GNA14: variants seen among roughly 807,000 people sequenced by gnomAD.
The protein encoded by GNA14 is guanine nucleotide-binding protein subunit alpha-14.
Under a neutral mutation model 42.0 loss-of-function variants are expected in GNA14, and 50 were observed. The observed-to-expected ratio is 1.19, with a 90% CI of 0.95 to 1.51. GNA14 has a LOEUF of 1.51. GNA14 is among the 40% of genes most tolerant of loss of function. The pLI, the probability that GNA14 is intolerant of heterozygous loss-of-function variation, is 0.00. For missense variants in GNA14, 473 were observed against 446.2 expected, an observed-to-expected ratio of 1.06 and a Z score of -0.54; for synonymous variants, 173 against 163.1, an observed-to-expected ratio of 1.06 and a Z score of -0.46.
intron 2 of GNA14, among the ~76,000 whole-genome samples, chr9:77,514,883 G>A (rs1837227042): frequency 1.3e-5 from 2 of 152,168 alleles, no homozygotes; most frequent in Non-Finnish European, 2.9e-5. Context: ...AAAGTGCTGG[G>A]ATTACAGGCA....
At chr9:77,465,413 T>C (rs1182436164) in intron 2 of GNA14, among the ~76,000 whole-genome samples, 1 of 152,244 alleles carries the variant, frequency 6.6e-6, no homozygotes, top group Admixed American at 6.5e-5. Context: ...TATCTCCTCC[T>C]TCGTTGAGGC....
intron 1 of GNA14, among the ~76,000 whole-genome samples, chr9:77,547,142 A>C (rs1406998130): frequency 6.6e-6 from 1 of 152,208 alleles, no homozygotes; most frequent in Non-Finnish European, 1.5e-5. Context: ...TGTTTCTTAC[A>C]TTGGGAGGAT....
intron 2 of GNA14, among the ~76,000 whole-genome samples, chr9:77,518,605 A>T (rs1381414932): frequency 2.6e-5 from 4 of 152,248 alleles, no homozygotes; most frequent in Admixed American, 6.5e-5. Flanking sequence ...CACTCAAAAT[A>T]CATGCAGAGT....
At chr9:77,458,616 G>A (rs1175807957) in intron 2 of GNA14, among the ~76,000 whole-genome samples, 1 of 152,142 alleles carries the variant, frequency 6.6e-6, no homozygotes. Context: ...GATGCCCCAC[G>A]TATTTGAAGA....
At position 77,611,647 on chromosome 9, in the gene GNA14, T is replaced by C. The variant is rs184592230; in HGVS notation, c.124+36023A>G. 7.5e-3 allele frequency among the ~76,000 whole-genome samples: 1,147 copies of C among 152,258 alleles called. 5 individuals carry two copies. The highest frequency in any genetic ancestry group is 0.024 in the South Asian group (118 of 4,826). ...ACAATAGCTTTAAATCTCCTCCCTT[T>C]GTATTGTCCCCTTTCCAGCCTTTTT... is the stretch of plus-strand genomic sequence containing the variant. On this transcript the variant is annotated intron_variant, in intron 1 of 6. Coordinates refer to ENST00000341700, the MANE Select transcript of GNA14 (RefSeq NM_004297.4).
chr9:77,540,522 T>C (rs1837646557), intron 1 of GNA14, among the ~76,000 whole-genome samples: 1 of 152,164 alleles, frequency 6.6e-6, no homozygotes, highest in Non-Finnish European at 1.5e-5. Flanking sequence ...CCAATGTTTC[T>C]TTGTTGATTT....
chr9:77,550,808 C>T (rs1365419838), intron 1 of GNA14, among the ~76,000 whole-genome samples: 1 of 152,192 alleles, frequency 6.6e-6, no homozygotes, highest in African/African-American at 2.4e-5. Flanking sequence ...ACAGGGGCAA[C>T]AAAATTATTC....
chr9:77,463,398 G>GA (rs146389215), intron 2 of GNA14, among the ~76,000 whole-genome samples: 4,427 of 152,224 alleles, frequency 0.029, 239 homozygotes, highest in African/African-American at 0.1. Context: ...CTTAAAAAAA[G>GA]AAAAAAACCA....
intron 2 of GNA14, among the ~76,000 whole-genome samples, chr9:77,461,737 T>C (rs1352041337): frequency 7.2e-6 from 1 of 139,604 alleles, no homozygotes; most frequent in African/African-American, 3.0e-5. Context: ...TCAGCATGCG[T>C]TTACTGTTAG....
At chr9:77,564,658 C>A (rs1182352770) in intron 1 of GNA14, among the ~76,000 whole-genome samples, 3 of 151,930 alleles carry the variant, frequency 2.0e-5, no homozygotes. Context: ...TATGACAAAA[C>A]CCTGTCTCTA....
At chr9:77,436,746 T>C (rs1054898739) in intron 2 of GNA14, among the ~76,000 whole-genome samples, 1 of 152,330 alleles carries the variant, frequency 6.6e-6, no homozygotes. Flanking sequence ...GCAGAACCAA[T>C]GTCTTATTTG....
At chr9:77,598,158 T>TTGGCAGTAAGTTATGGGGC (rs1283016991) in intron 1 of GNA14, among the ~76,000 whole-genome samples, 5 of 152,202 alleles carry the variant, frequency 3.3e-5, no homozygotes, top group Admixed American at 3.3e-4. Context: ...TTGTGCTAAT[T>TTGGCAGTAAGTTATGGGGC]TGGCAGTAAG....
chr9:77,452,612 T>A (rs375617468), intron 2 of GNA14, among the ~76,000 whole-genome samples: 4 of 276 alleles, frequency 0.014, no homozygotes, highest in Non-Finnish European at 0.021. Context: ...TATGTGTATG[T>A]GTGTGTATGT....
chr9:77,631,033 C>T (rs189468543), intron 1 of GNA14, among the ~76,000 whole-genome samples: 21 of 152,186 alleles, frequency 1.4e-4, no homozygotes, highest in Admixed American at 8.5e-4. Flanking sequence ...AGCAAAACAG[C>T]GTATATTATT....
chr9:77,458,403 C>G (rs1001961808), intron 2 of GNA14, among the ~76,000 whole-genome samples: 1 of 152,138 alleles, frequency 6.6e-6, no homozygotes, highest in African/African-American at 2.4e-5. Context: ...GCGCTGGCCA[C>G]GCGCGCCTGA....
chr9:77,429,659 G>A (rs1028832008), intron 4 of GNA14, among the ~76,000 whole-genome samples: 1 of 152,186 alleles, frequency 6.6e-6, no homozygotes, highest in African/African-American at 2.4e-5. Flanking sequence ...TTATGGGAAT[G>A]AGCCAAGTGG....
At chr9:77,444,573 G>A (rs946518780) in intron 2 of GNA14, among the ~76,000 whole-genome samples, 4 of 152,102 alleles carry the variant, frequency 2.6e-5, no homozygotes, top group South Asian at 2.1e-4. Flanking sequence ...TTGCATCCCC[G>A]TTTTCTCCTT....
intron 1 of GNA14, among the ~76,000 whole-genome samples, chr9:77,576,351 G>A (rs780011537): frequency 1.3e-5 from 2 of 152,088 alleles, no homozygotes; most frequent in African/African-American, 2.4e-5. Context: ...ATAGTGTACC[G>A]AATACTGAAT....
chr9:77,519,798 T>C (rs1837321923), intron 2 of GNA14, among the ~76,000 whole-genome samples: 1 of 152,056 alleles, frequency 6.6e-6, no homozygotes, highest in Non-Finnish European at 1.5e-5. Context: ...ACACCTGAGA[T>C]CAGGAGTTCG....
Sources: allele counts gnomAD v4.1 joint callset (sites outside exome capture counted in the v4.1 genomes callset), GRCh38; gene constraint gnomAD v4.1.1; transcripts MANE v1.5; gene names NCBI Gene and HGNC (gene_info 2026-07-23, HGNC 2026-07-21).